The following ADCY1 variants were observed in gnomAD, a reference collection of about 807,000 sequenced individuals.
ADCY1 encodes adenylate cyclase type 1.
ADCY1 carries 28 observed loss-of-function variants against 105.4 expected under a neutral mutation model. That is an observed-to-expected ratio of 0.27 (90% CI 0.20 to 0.36). The LOEUF (loss-of-function observed/expected upper bound fraction) is 0.36. Among genes scored for constraint, ADCY1 ranks in the 10% least tolerant of loss-of-function variants. The probability of loss-of-function intolerance (pLI) is 1.00; values close to 1 mark genes in which losing one functional copy is unlikely to be tolerated. For synonymous variants in ADCY1, 655 were observed against 623.8 expected (o/e 1.05, Z -0.75); for missense variants, 977 against 1,434.2 (o/e 0.68, Z 5.15).
At chr7:45,589,649 T>C (rs1792849970) in intron 1 of ADCY1, among the ~76,000 whole-genome samples, 1 of 152,000 alleles carries the variant, frequency 6.6e-6, no homozygotes, top group African/African-American at 2.4e-5. Context: ...AGGATGCTCA[T>C]CTGGGAAAAT....
intron 7 of ADCY1, among the ~76,000 whole-genome samples, chr7:45,661,768 G>A (rs1795113348): frequency 6.6e-6 from 1 of 152,196 alleles, no homozygotes; most frequent in African/African-American, 2.4e-5. Context: ...CCTGACCAGG[G>A]CCTCCAGCCT....
chr7:45,709,526 C>A (rs1433640825), intron 18 of ADCY1, among the ~76,000 whole-genome samples: 1 of 152,188 alleles, frequency 6.6e-6, no homozygotes, highest in Non-Finnish European at 1.5e-5. Context: ...GGAAGTGGTC[C>A]TTTGGGGTTC....
At chr7:45,581,686 A>G (rs568392630) in intron 1 of ADCY1, among the ~76,000 whole-genome samples, 3 of 152,184 alleles carry the variant, frequency 2.0e-5, no homozygotes, top group African/African-American at 7.2e-5. Context: ...ACACGACCAC[A>G]GGCTCCTCCC....
chr7:45,607,775 ATTCTTTTTT>A (rs759906755), intron 2 of ADCY1, among the ~76,000 whole-genome samples: 142 of 152,112 alleles, frequency 9.3e-4, no homozygotes, highest in Non-Finnish European at 1.8e-3. Flanking sequence ...ACATCATTTC[ATTCTTTTTT>A]ATGGCTGCAT....
chr7:45,605,055 C>T (rs372518424), intron 2 of ADCY1, among the ~76,000 whole-genome samples: 102 of 152,246 alleles, frequency 6.7e-4, no homozygotes, highest in African/African-American at 2.4e-3. Context: ...GTTAGATTTA[C>T]ACCTCAGTAT....
In ADCY1 at chr7:45,718,194, C is replaced by T. The variant is rs1741656398; in HGVS notation, c.*4199C>T. ...AAGGAAGGAGGCAAAGGCACCCACT[C>T]CATCCAAGATCCGTTCCAATTGATG... On this transcript the variant is annotated 3_prime_UTR_variant, in exon 20 of 20. Transcript: ENST00000297323. 1 of 152,334 alleles carries T rather than the reference C, an allele frequency of 6.6e-6. No homozygotes were observed. Among genetic ancestry groups the T allele is most frequent in the Admixed American group, 6.5e-5 (1 of 15,290 alleles). 9.4% of individuals were successfully genotyped at this position (152,334 alleles called of 1,614,324 possible). A position where few individuals can be genotyped will look rare whatever the true frequency, so the allele number is the denominator to read the frequency against.
chr7:45,683,626 G>T (rs1784606901), intron 11 of ADCY1, among the ~76,000 whole-genome samples: 1 of 152,150 alleles, frequency 6.6e-6, no homozygotes, highest in South Asian at 2.1e-4. Context: ...TGCCTTAAGG[G>T]TCTGCTCGGA....
intron 3 of ADCY1, among the ~76,000 whole-genome samples, chr7:45,611,619 A>G (rs1793595376): frequency 6.8e-6 from 1 of 147,836 alleles, no homozygotes; most frequent in Non-Finnish European, 1.5e-5. Flanking sequence ...CTTGCTTTAG[A>G]CACTCTGAGG....
rs573673641 is a variant in ADCY1 at position 45,674,901 on chromosome 7, T to C, written c.1606-2968T>C. ...TAAAGTTTGCATGGTGTATAATTTC[T>C]ATTCTATTAATTTCAACTTACATAT... On this transcript the variant is annotated intron_variant, in intron 8 of 19. Coordinates refer to ENST00000297323, the MANE Select transcript of ADCY1 (RefSeq NM_021116.4). Among the ~76,000 whole-genome samples, 4 of 152,344 alleles carry C rather than the reference T, an allele frequency of 2.6e-5. No individual in the cohort carries two copies. The South Asian group carries it at 8.3e-4, about 32-fold the overall frequency.
At chr7:45,638,923 C>T (rs186193829) in intron 4 of ADCY1, among the ~76,000 whole-genome samples, 1 of 152,212 alleles carries the variant, frequency 6.6e-6, no homozygotes, top group East Asian at 1.9e-4. Context: ...TAATTGATGG[C>T]TGCAAGGGCC....
At chr7:45,596,629 C>T (rs887951797) in intron 2 of ADCY1, among the ~76,000 whole-genome samples, 18 of 152,130 alleles carry the variant, frequency 1.2e-4, no homozygotes, top group Admixed American at 5.2e-4. Context: ...ATGCCGGGCA[C>T]GTCCAGAGGG....
chr7:45,594,859 A>AT (rs887173842), intron 2 of ADCY1, among the ~76,000 whole-genome samples: 36 of 151,952 alleles, frequency 2.4e-4, no homozygotes, highest in Admixed American at 5.2e-4. Flanking sequence ...TAGTGTTCAG[A>AT]TTTTGTCTTT....
intron 2 of ADCY1, among the ~76,000 whole-genome samples, chr7:45,601,613 A>G (rs140814653): frequency 2.0e-5 from 3 of 152,200 alleles, no homozygotes; most frequent in African/African-American, 7.2e-5. Context: ...AGGTGCAGTC[A>G]TGAGTCCTCA....
chr7:45,588,407 C>G (rs978240159), intron 1 of ADCY1, among the ~76,000 whole-genome samples: 1 of 152,252 alleles, frequency 6.6e-6, no homozygotes, highest in Admixed American at 6.5e-5. Context: ...AGACCATTAC[C>G]TGGCCTCCTC....
intron 14 of ADCY1, among the ~76,000 whole-genome samples, chr7:45,700,155 C>T (rs1784970304): frequency 6.6e-6 from 1 of 152,154 alleles, no homozygotes; most frequent in Non-Finnish European, 1.5e-5. Context: ...GTGTTTCTGC[C>T]CTCTTGACAA....
chr7:45,702,246 A>T (rs2461116), intron 14 of ADCY1, among the ~76,000 whole-genome samples: 1 of 152,302 alleles, frequency 6.6e-6, no homozygotes, highest in South Asian at 2.1e-4. Context: ...ACTAAGGGGC[A>T]TGCTGTCCCC....
chr7:45,685,837 AG>A (rs2116209780), intron 12 of ADCY1, 124 bp from the exon 13 acceptor site: 1 of 1,212,760 alleles, frequency 8.2e-7, no homozygotes, highest in Non-Finnish European at 1.1e-6. Flanking sequence ...TTGGTGTGAT[AG>A]CACTGGGGGT....
intron 1 of ADCY1, among the ~76,000 whole-genome samples, chr7:45,584,287 C>CCTG (rs1241244167): frequency 1.3e-5 from 2 of 152,178 alleles, no homozygotes; most frequent in African/African-American, 4.8e-5. Context: ...TGATTGCCGT[C>CCTG]CTGCTGCGTG....
rs1308463376 is a variant in ADCY1 at position 45,629,664 on chromosome 7, G to A, written c.1020+6921G>A. ...CTCCCTAGTAGCTGGGACTACAGGC[G>A]CCCGCCACTGCGCCCGGCTAATTTT... On this transcript the variant is annotated intron_variant, in intron 4 of 19. Transcript: ENST00000297323. Among the ~76,000 whole-genome samples, 4 of 151,946 alleles carry A rather than the reference G, an allele frequency of 2.6e-5. 1 individual carries two copies. Among genetic ancestry groups the A allele is most frequent in the South Asian group, 4.1e-4 (2 of 4,834 alleles).
Sources: allele counts gnomAD v4.1 joint callset (sites outside exome capture counted in the v4.1 genomes callset), GRCh38; gene constraint gnomAD v4.1.1; transcripts MANE v1.5; gene names NCBI Gene and HGNC (gene_info 2026-07-23, HGNC 2026-07-21).